The following ARHGAP24 variants were observed in gnomAD, a reference collection of about 807,000 sequenced individuals.
The protein encoded by ARHGAP24 is rho GTPase-activating protein 24.
Under a neutral mutation model 76.4 loss-of-function variants are expected in ARHGAP24, and 50 were observed. The observed-to-expected ratio is 0.65, with a 90% confidence interval of 0.52 to 0.83. The LOEUF is 0.83. ARHGAP24 is among the 40% of genes least tolerant of loss of function. The pLI is 0.00. For synonymous variants in ARHGAP24, 345 were observed against 323.3 expected, an observed-to-expected ratio of 1.07 and a Z score of -0.72; for missense variants, 930 against 914.2, an observed-to-expected ratio of 1.02 and a Z score of -0.22.
intron 4 of ARHGAP24, among the ~76,000 whole-genome samples, chr4:85,938,619 T>A (rs16996018): frequency 0.045 from 6,784 of 152,224 alleles, 526 homozygotes; most frequent in African/African-American, 0.16. Flanking sequence ...GGAGTACACG[T>A]CTATTAAAAT....
At chr4:85,853,765 C>T (rs1447379116) in intron 3 of ARHGAP24, among the ~76,000 whole-genome samples, 1 of 152,060 alleles carries the variant, frequency 6.6e-6, no homozygotes, top group Non-Finnish European at 1.5e-5. Context: ...ACCATCCTGG[C>T]CAACATGGTG....
intron 3 of ARHGAP24, among the ~76,000 whole-genome samples, chr4:85,867,913 A>G (rs2110186623): frequency 6.8e-6 from 1 of 147,564 alleles, no homozygotes; most frequent in South Asian, 2.1e-4. Context: ...ATATATACAT[A>G]TATGTACACA....
At position 85,644,484 on chromosome 4, in the gene ARHGAP24, AATG is replaced by A. The variant is rs141809861; in HGVS notation, c.180+73772_180+73774del. Among the ~76,000 whole-genome samples, 815 of 152,248 alleles carry A rather than the reference AATG, an allele frequency of 5.4e-3. 9 individuals carry two copies. The East Asian group carries it at 0.059, about 11-fold the overall frequency. On this transcript the variant is annotated intron_variant, in intron 2 of 9. Transcript: ENST00000395184. ...CTCTAAAAGCCTGTAATCCTCTTAT[AATG>A]ATGATGATTGCATATTTCTTTATAG...
chr4:85,740,370 C>T (rs1725774390), intron 3 of ARHGAP24, among the ~76,000 whole-genome samples: 1 of 151,750 alleles, frequency 6.6e-6, no homozygotes, highest in Non-Finnish European at 1.5e-5. Context: ...TTATAGGTGC[C>T]CACCTCCATG....
chr4:85,501,295 G>C (rs906184170), intron 1 of ARHGAP24, among the ~76,000 whole-genome samples: 6 of 152,168 alleles, frequency 3.9e-5, no homozygotes, highest in African/African-American at 1.4e-4. Context: ...TTGAGGAATT[G>C]CCACACTGTC....
intron 2 of ARHGAP24, among the ~76,000 whole-genome samples, chr4:85,577,765 AGG>A (rs2109969076): frequency 6.6e-6 from 1 of 152,316 alleles, no homozygotes; most frequent in Non-Finnish European, 1.5e-5. Context: ...TTCAAGGTTC[AGG>A]GAGAGCTTCT....
At chr4:85,770,754 C>T (rs1441810225) in intron 3 of ARHGAP24, among the ~76,000 whole-genome samples, 3 of 152,268 alleles carry the variant, frequency 2.0e-5, no homozygotes, top group Middle Eastern at 3.4e-3. Flanking sequence ...AGTTTGGAAA[C>T]CTAATTAATT....
intron 2 of ARHGAP24, among the ~76,000 whole-genome samples, chr4:85,700,880 CA>C (rs1724059354): frequency 6.6e-6 from 1 of 152,136 alleles, no homozygotes; most frequent in Admixed American, 6.5e-5. Context: ...TAGTATCTTC[CA>C]GCAGGCAAAA....
At chr4:85,960,628 G>T (rs1738188604) in intron 5 of ARHGAP24, among the ~76,000 whole-genome samples, 1 of 151,948 alleles carries the variant, frequency 6.6e-6, no homozygotes, top group South Asian at 2.1e-4. Context: ...TGTCATTGTT[G>T]AATGAAAAAA....
intron 2 of ARHGAP24, among the ~76,000 whole-genome samples, chr4:85,662,873 C>G (rs1397893565): frequency 6.6e-6 from 1 of 152,080 alleles, no homozygotes; most frequent in African/African-American, 2.4e-5. Flanking sequence ...TTCCATTGAC[C>G]TATACCTCTG....
chr4:85,970,172 T>A (rs1020517137), intron 5 of ARHGAP24, among the ~76,000 whole-genome samples: 1 of 152,122 alleles, frequency 6.6e-6, no homozygotes, highest in African/African-American at 2.4e-5. Flanking sequence ...CCACTTCCAC[T>A]CTGGGCTCTG....
At chr4:85,651,090 C>A (rs1458498748) in intron 2 of ARHGAP24, among the ~76,000 whole-genome samples, 1 of 148,964 alleles carries the variant, frequency 6.7e-6, no homozygotes, top group Non-Finnish European at 1.5e-5. Context: ...GCAGCGTATG[C>A]AAAGGCCTGA....
In ARHGAP24 at chr4:85,973,838, T is replaced by G. The variant is rs1459037493; in HGVS notation, c.733-1050T>G. On this transcript the variant is annotated intron_variant, in intron 6 of 9. Coordinates refer to ENST00000395184, the MANE Select transcript of ARHGAP24 (RefSeq NM_001025616.3). ...GTCAAAAACTGCTGCCTATTGTTTT[T>G]TTTTTTTTTTTTTTTTTTTTTTGAG... 1.0e-3 allele frequency among the ~76,000 whole-genome samples: 83 copies of G among 81,222 alleles called. 1 individual carries two copies. Among genetic ancestry groups the G allele is most frequent in the African/African-American group, 4.0e-3 (80 of 19,998 alleles). The allele number at this position is 81,222 out of a possible 152,430, so 53.3% of individuals were successfully genotyped here.
intron 3 of ARHGAP24, among the ~76,000 whole-genome samples, chr4:85,764,183 A>T (rs11097071): frequency 0.17 from 26,051 of 151,798 alleles, 3,070 homozygotes; most frequent in East Asian, 0.66. Context: ...TCTAAGCCAA[A>T]TTTTCTTTTC....
chr4:85,591,982 A>G (rs1411545947), intron 2 of ARHGAP24, among the ~76,000 whole-genome samples: 1 of 152,194 alleles, frequency 6.6e-6, no homozygotes, highest in Admixed American at 6.5e-5. Context: ...AATTATGTGT[A>G]TCATGGCAGA....
intron 2 of ARHGAP24, among the ~76,000 whole-genome samples, chr4:85,654,612 T>C (rs1722073975): frequency 6.6e-6 from 1 of 152,130 alleles, no homozygotes; most frequent in Non-Finnish European, 1.5e-5. Flanking sequence ...ACTTCTAATA[T>C]ACATGGATGC....
At chr4:85,884,609 C>G (rs571179457) in intron 3 of ARHGAP24, among the ~76,000 whole-genome samples, 3 of 152,172 alleles carry the variant, frequency 2.0e-5, no homozygotes, top group Non-Finnish European at 2.9e-5. Flanking sequence ...GGTCTATAAA[C>G]TAATCTCCAT....
rs946893722 is a variant in ARHGAP24, at chr4:85,721,941, C to A, written c.237C>A (p.Asn79Lys). Residue 79 changes from asparagine (N) to lysine (K), a missense_variant, in exon 3 of 10, where the codon AAC becomes AAA. Coordinates refer to ENST00000395184, the MANE Select transcript of ARHGAP24 (RefSeq NM_001025616.3). Reference sequence around the variant, plus strand: ...CTGAGCATCCCTGCAATGAAGAGAACCCAGGGAAGTTCCTTTTTGAAGTAG... The same window carrying A: ...CTGAGCATCCCTGCAATGAAGAGAAACCAGGGAAGTTCCTTTTTGAAGTAG... Reference protein sequence around the residue: ...KVSEHPCNEENPGKFLFEVVP... With the variant: ...KVSEHPCNEEKPGKFLFEVVP... 3.1e-6 allele frequency: 5 copies of A among 1,613,288 alleles called. No individual in the cohort carries two copies. Among genetic ancestry groups the A allele is most frequent in the Non-Finnish European group, 4.2e-6 (5 of 1,179,642 alleles).
chr4:85,833,486 A>G (rs545314691), intron 3 of ARHGAP24, among the ~76,000 whole-genome samples: 16 of 128,908 alleles, frequency 1.2e-4, no homozygotes, highest in African/African-American at 3.6e-4. Flanking sequence ...GACCTGGGGA[A>G]AAAAAAAACA....
Sources: allele counts gnomAD v4.1 joint callset (sites outside exome capture counted in the v4.1 genomes callset), GRCh38; gene constraint gnomAD v4.1.1; transcripts MANE v1.5; gene names NCBI Gene and HGNC (gene_info 2026-07-23, HGNC 2026-07-21).